MEI4: variants seen among roughly 807,000 people sequenced by gnomAD.
The protein encoded by MEI4 is meiosis-specific protein MEI4.
MEI4 carries 27 observed loss-of-function variants against 31.4 expected under a neutral mutation model. That is an observed-to-expected ratio of 0.86 (90% CI 0.63 to 1.19). The LOEUF is 1.19. Among genes scored for constraint, MEI4 ranks in the 50% most tolerant of loss-of-function variants. The pLI, the probability that MEI4 is intolerant of heterozygous loss-of-function variation, is 0.00. For missense variants in MEI4, 329 were observed against 398.9 expected, an observed-to-expected ratio of 0.82 and a Z score of 1.49; for synonymous variants, 122 against 145.4, an observed-to-expected ratio of 0.84 and a Z score of 1.16.
At chr6:77,880,647 C>T (rs1771461700) in intron 4 of MEI4, among the ~76,000 whole-genome samples, 1 of 152,094 alleles carries the variant, frequency 6.6e-6, no homozygotes, top group Admixed American at 6.5e-5. Context: ...GAAGAACGTA[C>T]CCAAGCGTTC....
intron 4 of MEI4, among the ~76,000 whole-genome samples, chr6:77,843,645 T>G (rs148865550): frequency 3.5e-4 from 54 of 152,138 alleles, no homozygotes; most frequent in Non-Finnish European, 2.5e-4. Flanking sequence ...ACCAGGATGA[T>G]AATCACTAAA....
chr6:77,804,912 G>T (rs1239996264), intron 3 of MEI4, among the ~76,000 whole-genome samples: 1 of 151,992 alleles, frequency 6.6e-6, no homozygotes, highest in Non-Finnish European at 1.5e-5. Context: ...TCATGATTTT[G>T]GTATGACAAA....
chr6:77,831,381 C>G (rs1770075887), intron 4 of MEI4, among the ~76,000 whole-genome samples: 1 of 151,788 alleles, frequency 6.6e-6, no homozygotes, highest in East Asian at 1.9e-4. Flanking sequence ...ACCATATGAT[C>G]CAAGAATCCC....
rs963818239 is a variant in MEI4, at chr6:77,802,454, C to T, written c.769-26477C>T. Among the ~76,000 whole-genome samples the T allele has an allele frequency of 5.3e-5, 8 of 152,260 alleles. No individual in the cohort carries two copies. The South Asian group carries it at 1.7e-3, about 32-fold the overall frequency. ...GCCAGTCTGTGTCTTTTAATTGGAG[C>T]ATTTAGCCCATTTACATTTAAAGTT... On this transcript the variant is annotated intron_variant, in intron 3 of 4. Transcript: ENST00000684080.
intron 2 of MEI4, among the ~76,000 whole-genome samples, chr6:77,735,651 G>T (rs919870209): frequency 1.3e-5 from 2 of 152,028 alleles, no homozygotes; most frequent in South Asian, 2.1e-4. Flanking sequence ...GTCATTCTCT[G>T]TCCAGCTTTG....
At position 77,841,333 on chromosome 6, in the gene MEI4, A is replaced by T. The variant is rs13195406; in HGVS notation, c.900+12271A>T. Among the ~76,000 whole-genome samples, 187 of 27,762 alleles carry T rather than the reference A, an allele frequency of 6.7e-3. 2 individuals carry two copies. Among genetic ancestry groups the T allele is most frequent in the African/African-American group, 0.029 (90 of 3,084 alleles). 18.2% of individuals were successfully genotyped at this position (27,762 alleles called of 152,430 possible). On this transcript the variant is annotated intron_variant, in intron 4 of 4. Transcript: ENST00000684080. Reference sequence around the variant, plus strand: ...TGTGTGCATATATATATATATATATATTTTTTTTTTTTTTTTTTTTTTTGA... The same window carrying T: ...TGTGTGCATATATATATATATATATTTTTTTTTTTTTTTTTTTTTTTTTGA...
intron 4 of MEI4, among the ~76,000 whole-genome samples, chr6:77,899,546 A>G (rs1215193907): frequency 6.6e-6 from 1 of 152,068 alleles, no homozygotes; most frequent in African/African-American, 2.4e-5. Flanking sequence ...AGGCTCATTC[A>G]GCTGCCTGGA....
chr6:77,838,851 T>C lies in MEI4; in HGVS notation c.900+9789T>C, dbSNP rs77505824. Among the ~76,000 whole-genome samples the C allele has an allele frequency of 0.023, 3,428 of 151,494 alleles. 327 individuals are homozygous for C. The East Asian group carries it at 0.31, about 14-fold the overall frequency. On this transcript the variant is annotated intron_variant, in intron 4 of 4. Transcript: ENST00000684080. ...CCAGGAGGCAGAGGTTGCTGTGAAC[T>C]GAGATCGTGCCATTGCACTCCAACC...
At chr6:77,747,491 G>T (rs1427141707) in intron 2 of MEI4, among the ~76,000 whole-genome samples, 3 of 152,088 alleles carry the variant, frequency 2.0e-5, no homozygotes, top group Admixed American at 1.3e-4. Flanking sequence ...AGAGCAAAGG[G>T]GGAAGAGCCC....
chr6:77,747,501 C>T (rs1582096955), intron 2 of MEI4, among the ~76,000 whole-genome samples: 2 of 152,036 alleles, frequency 1.3e-5, no homozygotes, highest in East Asian at 1.9e-4. Context: ...GGGAAGAGCC[C>T]CTTATAAAAC....
intron 2 of MEI4, among the ~76,000 whole-genome samples, chr6:77,728,206 A>T (rs368645583): frequency 6.6e-6 from 1 of 152,226 alleles, no homozygotes; most frequent in East Asian, 1.9e-4. Flanking sequence ...CAATACAATA[A>T]TGAAGATGTT....
At chr6:77,696,060 C>A (rs1766028177) in intron 2 of MEI4, among the ~76,000 whole-genome samples, 2 of 152,104 alleles carry the variant, frequency 1.3e-5, no homozygotes, top group East Asian at 3.9e-4. Context: ...ATTCGGCTCT[C>A]TGTTTGTCTG....
chr6:77,660,860 G>A lies in MEI4; in HGVS notation c.-15+7768G>A, dbSNP rs547454083. ...ACTATAGATGACTAAGTAGGGTCCG[G>A]TCCATTGAGGTTGTAGAGTTTGAGG... is the stretch of plus-strand genomic sequence containing the variant. On this transcript the variant is annotated intron_variant, in intron 1 of 4. Coordinates refer to ENST00000684080, the MANE Select transcript of MEI4 (RefSeq NM_001322247.2). 2.6e-4 allele frequency among the ~76,000 whole-genome samples: 39 copies of A among 152,238 alleles called. 1 individual carries two copies. The South Asian group carries it at 4.4e-3, about 17-fold the overall frequency.
At chr6:77,802,099 G>T (rs1166279207) in intron 3 of MEI4, among the ~76,000 whole-genome samples, 1 of 152,148 alleles carries the variant, frequency 6.6e-6, no homozygotes, top group Non-Finnish European at 1.5e-5. Context: ...TATTGTATGG[G>T]AGTCTAAGTC....
intron 2 of MEI4, among the ~76,000 whole-genome samples, chr6:77,757,392 C>T (rs565563908): frequency 6.6e-6 from 1 of 152,314 alleles, no homozygotes; most frequent in South Asian, 2.1e-4. Context: ...CTAACATATG[C>T]TCTCATGACA....
At chr6:77,691,383 A>T (rs991365209) in intron 2 of MEI4, among the ~76,000 whole-genome samples, 1 of 152,012 alleles carries the variant, frequency 6.6e-6, no homozygotes, top group East Asian at 1.9e-4. Context: ...ATACTATAAT[A>T]GAGACTGACA....
At chr6:77,664,283 C>G (rs1056812351) in intron 1 of MEI4, among the ~76,000 whole-genome samples, 4 of 152,054 alleles carry the variant, frequency 2.6e-5, no homozygotes, top group Non-Finnish European at 1.5e-5. Flanking sequence ...AATAAGACGG[C>G]CTTTTGACTT....
At chr6:77,851,307 G>A (rs376365342) in intron 4 of MEI4, among the ~76,000 whole-genome samples, 1 of 152,012 alleles carries the variant, frequency 6.6e-6, no homozygotes, top group Non-Finnish European at 1.5e-5. Flanking sequence ...AGGATTATAA[G>A]TCATGCTGCT....
At chr6:77,908,308 T>C (rs570260312) in intron 4 of MEI4, among the ~76,000 whole-genome samples, 3 of 152,142 alleles carry the variant, frequency 2.0e-5, no homozygotes, top group South Asian at 2.1e-4. Context: ...TTTAATCCAT[T>C]TTGAATTAAT....
Sources: allele counts gnomAD v4.1 joint callset (sites outside exome capture counted in the v4.1 genomes callset), GRCh38; gene constraint gnomAD v4.1.1; transcripts MANE v1.5; gene names NCBI Gene and HGNC (gene_info 2026-07-23, HGNC 2026-07-21).